REV1: variants seen among roughly 807,000 people sequenced by gnomAD.
The protein encoded by REV1 is translesion synthesis protein REV1.
Under a neutral mutation model 137.4 loss-of-function variants are expected in REV1, and 42 were observed. The ratio of observed to expected loss-of-function variants is 0.31; its 90% confidence interval spans 0.24 to 0.40. REV1 has a LOEUF of 0.40. Ranked by LOEUF, REV1 falls within the 10% of genes least tolerant of loss-of-function variation. The pLI is 1.00. For missense variants in REV1, 1,282 were observed against 1,490.1 expected (o/e 0.86, Z 2.30); for synonymous variants, 524 against 519.2 (o/e 1.01, Z -0.12).
chr2:99,485,582 G>C (rs1467346296), intron 1 of REV1, among the ~76,000 whole-genome samples: 1 of 152,136 alleles, frequency 6.6e-6, no homozygotes, highest in Non-Finnish European at 1.5e-5. Flanking sequence ...ATCTCCAGCT[G>C]AACTTCAAAG....
At chr2:99,401,808 G>C (rs28745279) in intron 22 of REV1, among the ~76,000 whole-genome samples, 1,672 of 152,070 alleles carry the variant, frequency 0.011, 9 homozygotes, top group Middle Eastern at 0.024. Flanking sequence ...ACAAGCTGTC[G>C]ATCAGGCTGG....
chr2:99,430,737 A>G (rs1248944582), intron 8 of REV1, among the ~76,000 whole-genome samples: 1 of 152,230 alleles, frequency 6.6e-6, no homozygotes, highest in East Asian at 1.9e-4. Flanking sequence ...TACTGGCTGC[A>G]TGCCACTTTA....
chr2:99,483,800 CT>C (rs1686867911), intron 1 of REV1, among the ~76,000 whole-genome samples: 1 of 152,044 alleles, frequency 6.6e-6, no homozygotes, highest in East Asian at 1.9e-4. Flanking sequence ...AAAAAATGGC[CT>C]TGGGGGGAAA....
Position 99,440,772 on chromosome 2 carries a change from G to A in REV1, c.504-1462C>T, listed in dbSNP as rs3792141. Reference sequence around the variant, plus strand: ...AAAAAAACCCCAGAAAACAACAAAAGTGATGTACGTCAGAAAGTCTTACAT... The same window carrying A: ...AAAAAAACCCCAGAAAACAACAAAAATGATGTACGTCAGAAAGTCTTACAT... On this transcript the variant is annotated intron_variant, in intron 5 of 22. Coordinates refer to ENST00000258428, the MANE Select transcript of REV1 (RefSeq NM_016316.4). 1.1e-4 allele frequency among the ~76,000 whole-genome samples: 16 copies of A among 152,232 alleles called. No homozygotes were observed. In the East Asian group the frequency reaches 3.1e-3, roughly 29 times the overall value.
At chr2:99,463,130 T>C (rs762652123) in intron 2 of REV1, among the ~76,000 whole-genome samples, 14 of 152,070 alleles carry the variant, frequency 9.2e-5, no homozygotes, top group Admixed American at 2.6e-4. Context: ...ATAAAACACA[T>C]AGGTCAAAGA....
chr2:99,462,760 TA>T, intron 2 of REV1, 138 bp from the exon 3 acceptor site: 1 of 855,288 alleles, frequency 1.2e-6, no homozygotes, highest in South Asian at 1.8e-5. Flanking sequence ...GATGACCTCA[TA>T]AACATAAACC....
intron 8 of REV1, among the ~76,000 whole-genome samples, chr2:99,430,539 C>A (rs537906787): frequency 6.6e-6 from 1 of 152,246 alleles, no homozygotes; most frequent in East Asian, 1.9e-4. Context: ...GTCACATTAT[C>A]CCCCGCTACA....
intron 3 of REV1, among the ~76,000 whole-genome samples, chr2:99,461,031 T>C (rs1036586229): frequency 1.9e-4 from 29 of 152,218 alleles, no homozygotes; most frequent in African/African-American, 6.3e-4. Flanking sequence ...CCTGTTTTCA[T>C]TAACGTTTTA....
At chr2:99,417,464 C>G (rs1395899736) in intron 12 of REV1, among the ~76,000 whole-genome samples, 1 of 152,088 alleles carries the variant, frequency 6.6e-6, no homozygotes, top group African/African-American at 2.4e-5. Context: ...TGTATTTGGA[C>G]ACAGAATCTT....
chr2:99,468,629 T>C (rs1233623412), intron 1 of REV1, among the ~76,000 whole-genome samples: 2 of 152,230 alleles, frequency 1.3e-5, no homozygotes, highest in African/African-American at 4.8e-5. Flanking sequence ...CCTTGAGGAA[T>C]GTGATAACAG....
intron 1 of REV1, among the ~76,000 whole-genome samples, chr2:99,474,725 AAC>A (rs1469199964): frequency 1.3e-5 from 2 of 152,104 alleles, no homozygotes; most frequent in African/African-American, 4.8e-5. Context: ...AACATGGTGA[AAC>A]CCTGTCTCTA....
chr2:99,403,004 A>C lies in REV1; in HGVS notation c.3269T>G (p.Leu1090Trp). ...IGSPKRIQSP[L>W]NNKLLNSPAK... Reference sequence around the variant, plus strand: ...AGGACTGTTAAGCAGCTTGTTATTCAAAGGACTCTGAATCCTTTTTGGTGA... The same window carrying C: ...AGGACTGTTAAGCAGCTTGTTATTCCAAGGACTCTGAATCCTTTTTGGTGA... Residue 1090 changes from leucine (L) to tryptophan (W), a missense_variant, in exon 20 of 23, where the codon TTG (leucine) becomes TGG (tryptophan). Transcript: ENST00000258428. 8.1e-6 allele frequency: 13 copies of C among 1,614,168 alleles called. No homozygotes were observed. Among genetic ancestry groups the C allele is most frequent in the Non-Finnish European group, 1.1e-5 (13 of 1,180,002 alleles).
intron 1 of REV1, among the ~76,000 whole-genome samples, chr2:99,476,163 C>T (rs1435183085): frequency 6.6e-6 from 1 of 152,206 alleles, no homozygotes; most frequent in Non-Finnish European, 1.5e-5. Flanking sequence ...CTAACCCAAA[C>T]AGATGTTTGG....
At chr2:99,417,149 T>G (rs1489563183) in intron 12 of REV1, among the ~76,000 whole-genome samples, 1 of 152,080 alleles carries the variant, frequency 6.6e-6, no homozygotes, top group Non-Finnish European at 1.5e-5. Flanking sequence ...TGTTTTTGTT[T>G]TGTTTTTTTC....
chr2:99,477,625 C>CA (rs1476430595), intron 1 of REV1, among the ~76,000 whole-genome samples: 1 of 152,078 alleles, frequency 6.6e-6, no homozygotes, highest in Non-Finnish European at 1.5e-5. Context: ...TAAAAATAGA[C>CA]AAACAATAAG....
rs1675983868 is a variant in REV1 at position 99,404,445 on chromosome 2, T to C, written c.3044A>G (p.Gln1015Arg). The change falls in exon 18 of 23, where the codon CAG becomes CGG. Residue 1015 changes from glutamine (Q) to arginine (R), a missense_variant and splice_region_variant. Gln to Arg is a conservative substitution (Grantham distance 43). Coordinates refer to ENST00000258428, the MANE Select transcript of REV1 (RefSeq NM_016316.4). ...AGAGGGTTCCCATATTTAACTTACC[T>C]GTGAAAATGCTGGAAGGGCTATTAA... ...INLIALPAFS[Q>R]VDPEVFAALP... is the part of the protein sequence containing the mutation. 2 of 1,612,688 alleles carry C rather than the reference T, an allele frequency of 1.2e-6. No homozygotes were observed. The highest frequency in any genetic ancestry group is 1.7e-5 in the Admixed American group (1 of 59,930).
chr2:99,424,912 G>C (rs1228536802), intron 9 of REV1: 1 of 1,296,714 alleles, frequency 7.7e-7, no homozygotes, highest in Admixed American at 2.3e-5. Flanking sequence ...AATTGAAAAT[G>C]GTAAATTTTA....
chr2:99,436,990 G>GTTTTTTTTTT (rs749608176), intron 6 of REV1, among the ~76,000 whole-genome samples: 1 of 128,914 alleles, frequency 7.8e-6, no homozygotes, highest in Non-Finnish European at 1.7e-5. Context: ...CTTTTTTTTT[G>GTTTTTTTTTT]TTTTTTTTTT....
intron 3 of REV1, among the ~76,000 whole-genome samples, chr2:99,460,584 A>G (rs1315967107): frequency 6.6e-6 from 1 of 152,194 alleles, no homozygotes; most frequent in East Asian, 1.9e-4. Context: ...TATTACATCT[A>G]AAGAGTTATT....
Sources: gnomAD v4.1 joint callset for allele counts (sites outside exome capture counted in the v4.1 genomes callset) on GRCh38, gnomAD v4.1.1 for gene constraint, MANE v1.5 for transcripts, NCBI Gene and HGNC (gene_info 2026-07-23, HGNC 2026-07-21) for gene names.